ARHGAP32: variants seen among roughly 807,000 people sequenced by gnomAD.
ARHGAP32 encodes the protein Rho GTPase activating protein 32, also known as rho GTPase-activating protein 32.
Under a neutral mutation model 186.5 loss-of-function variants are expected in ARHGAP32, and 51 were observed. The observed-to-expected ratio is 0.27, with a 90% confidence interval of 0.22 to 0.35. The LOEUF is 0.35. ARHGAP32 is among the 10% of genes least tolerant of loss of function. ARHGAP32 has a pLI of 1.00. For missense variants in ARHGAP32, 2,186 were observed against 2,623.5 expected (o/e 0.83, Z 3.64); for synonymous variants, 950 against 964.3 (o/e 0.99, Z 0.27).
At chr11:129,046,053 A>G (rs1461237394) in intron 10 of ARHGAP32, among the ~76,000 whole-genome samples, 1 of 152,178 alleles carries the variant, frequency 6.6e-6, no homozygotes, top group Non-Finnish European at 1.5e-5. Flanking sequence ...TAAATGTTTA[A>G]CAACTAGCTC....
intron 1 of ARHGAP32, among the ~76,000 whole-genome samples, chr11:129,202,709 A>C (rs1944469267): frequency 6.6e-6 from 1 of 152,168 alleles, no homozygotes; most frequent in African/African-American, 2.4e-5. Flanking sequence ...CCACATTAAT[A>C]AAAAGATACA....
At chr11:129,213,528 A>G (rs1412878509) in intron 1 of ARHGAP32, among the ~76,000 whole-genome samples, 1 of 152,214 alleles carries the variant, frequency 6.6e-6, no homozygotes, top group African/African-American at 2.4e-5. Context: ...AAGGTACTGC[A>G]GGACATGTTA....
intron 6 of ARHGAP32, among the ~76,000 whole-genome samples, chr11:129,073,515 T>C (rs1377690462): frequency 1.3e-5 from 2 of 151,626 alleles, no homozygotes; most frequent in Admixed American, 6.6e-5. Context: ...GGTATCACAA[T>C]AGAAACAACC....
chr11:129,233,408 C>A (rs973895131), intron 1 of ARHGAP32, among the ~76,000 whole-genome samples: 3 of 151,928 alleles, frequency 2.0e-5, no homozygotes, highest in African/African-American at 7.3e-5. Context: ...TCACAGCAGG[C>A]GATACAAAAT....
At chr11:129,142,822 T>C (rs1230490006) in intron 2 of ARHGAP32, among the ~76,000 whole-genome samples, 1 of 151,912 alleles carries the variant, frequency 6.6e-6, no homozygotes, top group Non-Finnish European at 1.5e-5. Context: ...AAAATAATTC[T>C]GAGGAAAAAG....
rs145706821 is a variant in ARHGAP32 at position 128,968,979 on chromosome 11, C to T, written c.6234G>A (p.Ala2078=). The stretch of plus-strand genomic sequence containing the variant: ...CGGGCAGGAAGGCCCCTTGACCCAA[C>T]GCTGTAGCATAGGTCCTGCTCTGTG... ...PHPQSRTYAT[A]LGQGAFLPAE... Residue 2078 remains alanine (A), a synonymous_variant, in exon 23 of 23, where the codon GCG becomes GCA. Coordinates refer to ENST00000682385, the MANE Select transcript of ARHGAP32 (RefSeq NM_001378024.1). 573 of 1,591,740 alleles carry T rather than the reference C, an allele frequency of 3.6e-4. No homozygotes were observed. The highest frequency in any genetic ancestry group is 4.4e-4 in the Non-Finnish European group (511 of 1,164,372).
At chr11:129,124,962 A>G (rs1942626649) in intron 2 of ARHGAP32, 68 bp from the exon 3 acceptor site, 3 of 1,219,184 alleles carry the variant, frequency 2.5e-6, no homozygotes, top group East Asian at 2.4e-5. Context: ...AAAGCAGGTT[A>G]TAATTTATGT....
chr11:129,066,093 C>T (rs1046845500), intron 7 of ARHGAP32, among the ~76,000 whole-genome samples: 6 of 152,214 alleles, frequency 3.9e-5, no homozygotes, highest in Middle Eastern at 3.4e-3. Flanking sequence ...AATCATCCTT[C>T]GAAAAGCCTT....
chr11:129,014,297 A>G (rs902507561), intron 11 of ARHGAP32, among the ~76,000 whole-genome samples: 2 of 152,204 alleles, frequency 1.3e-5, no homozygotes, highest in Non-Finnish European at 2.9e-5. Context: ...CAGTTTATAG[A>G]GAGATACTAA....
chr11:129,124,833 G>C lies in ARHGAP32; in HGVS notation c.287C>G (p.Thr96Arg). Residue 96 changes from threonine (T) to arginine (R), a missense_variant, in exon 3 of 23, where the codon ACA becomes AGA. This residue lies in a region of ARHGAP32 where 108 missense variants were observed against 116.8 expected (regional missense o/e 0.92). Coordinates refer to ENST00000682385, the MANE Select transcript of ARHGAP32 (RefSeq NM_001378024.1). The stretch of plus-strand genomic sequence containing the variant: ...CACATGCTTAACCTTCATACTGGCT[G>C]TACTGCCACACGTCTTAAGAGTAAG... ...GDLTLKTCGS[T>R]ASMKVKHVKK... is the part of the protein sequence containing the mutation. 1.2e-6 allele frequency: 2 copies of C among 1,610,720 alleles called. No homozygotes were observed. The highest frequency in any genetic ancestry group is 8.5e-7 in the Non-Finnish European group (1 of 1,178,382).
At chr11:129,006,661 G>A (rs776566322) in intron 11 of ARHGAP32, among the ~76,000 whole-genome samples, 30 of 152,248 alleles carry the variant, frequency 2.0e-4, no homozygotes, top group African/African-American at 2.6e-4. Flanking sequence ...CCACTGGGAC[G>A]GCACTGGGTC....
chr11:129,126,138 T>A (rs917025824), intron 2 of ARHGAP32: 1 of 243,706 alleles, frequency 4.1e-6, no homozygotes, highest in Non-Finnish European at 8.2e-6. Context: ...AGTATATTTT[T>A]AAAAAGGGAA....
intron 6 of ARHGAP32, among the ~76,000 whole-genome samples, chr11:129,091,962 T>C (rs1308812441): frequency 6.6e-6 from 1 of 152,000 alleles, no homozygotes; most frequent in East Asian, 1.9e-4. Context: ...TGGGAATATA[T>C]CAATGATTAC....
chr11:129,248,385 T>G (rs1437551903), intron 1 of ARHGAP32, among the ~76,000 whole-genome samples: 1 of 152,184 alleles, frequency 6.6e-6, no homozygotes, highest in Non-Finnish European at 1.5e-5. Context: ...GTGTTTTTAT[T>G]TATGTCTTGG....
intron 6 of ARHGAP32, among the ~76,000 whole-genome samples, chr11:129,073,122 C>T (rs952444880): frequency 2.6e-5 from 4 of 152,150 alleles, no homozygotes; most frequent in African/African-American, 9.7e-5. Context: ...ATGCTTCCCC[C>T]TACACACACA....
intron 11 of ARHGAP32, among the ~76,000 whole-genome samples, chr11:129,004,794 C>T (rs1937675304): frequency 6.6e-6 from 1 of 151,912 alleles, no homozygotes; most frequent in Non-Finnish European, 1.5e-5. Context: ...AGGCGACAGG[C>T]CACTGGGTCT....
intron 1 of ARHGAP32, among the ~76,000 whole-genome samples, chr11:129,222,006 TGCAGATAG>T (rs946551992): frequency 6.6e-6 from 1 of 152,122 alleles, no homozygotes; most frequent in Non-Finnish European, 1.5e-5. Flanking sequence ...CAAAGAATCC[TGCAGATAG>T]GCACTGTGGG....
At chr11:129,138,297 A>T (rs996011084) in intron 2 of ARHGAP32, among the ~76,000 whole-genome samples, 7 of 54,524 alleles carry the variant, frequency 1.3e-4, no homozygotes, top group South Asian at 8.5e-4. Flanking sequence ...CCTTACTGGT[A>T]AAAAAAAAAA....
chr11:129,111,317 G>C (rs935237157), intron 5 of ARHGAP32, among the ~76,000 whole-genome samples: 2 of 152,166 alleles, frequency 1.3e-5, no homozygotes, highest in Non-Finnish European at 2.9e-5. Flanking sequence ...GTTGGATTCA[G>C]TTTGCAAGTA....
Sources: gnomAD v4.1 joint callset for allele counts (sites outside exome capture counted in the v4.1 genomes callset) on GRCh38, gnomAD v4.1.1 for gene constraint, gnomAD v4.1.1 regional missense constraint, MANE v1.5 for transcripts, NCBI Gene and HGNC (gene_info 2026-07-23, HGNC 2026-07-21) for gene names.